LRBA: variants seen among roughly 807,000 people sequenced by gnomAD.
LRBA encodes the protein LPS responsive beige-like anchor protein, also known as lipopolysaccharide-responsive and beige-like anchor protein.
LRBA carries 176 observed loss-of-function variants against 330.0 expected under a neutral mutation model. That is an observed-to-expected ratio of 0.53 (90% CI 0.47 to 0.60). The LOEUF (loss-of-function observed/expected upper bound fraction) is 0.60. Among genes scored for constraint, LRBA ranks in the 20% least tolerant of loss-of-function variants. The probability of loss-of-function intolerance (pLI) is 0.00; values close to 1 mark genes in which losing one functional copy is unlikely to be tolerated. For synonymous variants in LRBA, 1,230 were observed against 1,193.0 expected, an observed-to-expected ratio of 1.03 and a Z score of -0.64; for missense variants, 3,259 against 3,444.8, an observed-to-expected ratio of 0.95 and a Z score of 1.35.
At chr4:150,924,550 G>T (rs934662228) in intron 4 of LRBA, among the ~76,000 whole-genome samples, 8 of 151,940 alleles carry the variant, frequency 5.3e-5, no homozygotes, top group Non-Finnish European at 1.2e-4. Flanking sequence ...AGATGTAGTA[G>T]TCATATTTCA....
chr4:150,725,430 A>G (rs992843238), intron 36 of LRBA, among the ~76,000 whole-genome samples: 3 of 152,228 alleles, frequency 2.0e-5, no homozygotes, highest in Admixed American at 2.0e-4. Flanking sequence ...GAGTGGCAAG[A>G]CATATTTAAA....
chr4:150,339,037 A>G (rs1735131578), intron 48 of LRBA, among the ~76,000 whole-genome samples: 1 of 152,070 alleles, frequency 6.6e-6, no homozygotes, highest in South Asian at 2.1e-4. Context: ...ATCTTAAGCC[A>G]AAAGCCTTCT....
chr4:150,774,071 G>A (rs768821182), intron 34 of LRBA, among the ~76,000 whole-genome samples: 2 of 152,136 alleles, frequency 1.3e-5, no homozygotes, highest in Non-Finnish European at 2.9e-5. Flanking sequence ...ACATAACATA[G>A]ACATCTTTCT....
intron 2 of LRBA, among the ~76,000 whole-genome samples, chr4:150,954,937 T>G (rs1737375349): frequency 6.9e-6 from 1 of 145,476 alleles, no homozygotes; most frequent in African/African-American, 2.7e-5. Flanking sequence ...TATATGGAAA[T>G]TAAACAACAC....
intron 44 of LRBA, among the ~76,000 whole-genome samples, chr4:150,441,716 C>G (rs1324324976): frequency 6.6e-6 from 1 of 151,934 alleles, no homozygotes; most frequent in Non-Finnish European, 1.5e-5. Context: ...TAACCTAGCT[C>G]GAAATCAACA....
rs1020996025 is a variant in LRBA, at chr4:150,677,804, T to TAA, written c.5921+5745_5921+5746dup. 5.7e-5 allele frequency among the ~76,000 whole-genome samples: 7 copies of TAA among 122,616 alleles called. No homozygotes were observed. The East Asian group carries it at 8.7e-4, about 15-fold the overall frequency. The allele number at this position is 122,616 out of a possible 152,430, so 80.4% of individuals were successfully genotyped here. ...GGTAACACGACAAGATCCCATGTCTTAAAAAAAAAAAGAAAAAGAAAAAGA... is the reference window on the plus strand; with the variant it reads ...GGTAACACGACAAGATCCCATGTCTTAAAAAAAAAAAAAGAAAAAGAAAAAGA... On this transcript the variant is annotated intron_variant, in intron 37 of 56. Transcript: ENST00000651943.
intron 37 of LRBA, among the ~76,000 whole-genome samples, chr4:150,604,903 C>T (rs1774476200): frequency 6.6e-6 from 1 of 152,136 alleles, no homozygotes; most frequent in Non-Finnish European, 1.5e-5. Flanking sequence ...GAACAAAGCC[C>T]TTCAGACACT....
At chr4:150,909,369 T>C (rs2127169220) in intron 9 of LRBA, among the ~76,000 whole-genome samples, 1 of 152,326 alleles carries the variant, frequency 6.6e-6, no homozygotes, top group South Asian at 2.1e-4. Context: ...AGTGGAATCA[T>C]ACAGTATTTG....
chr4:150,717,707 T>C (rs1274910502), intron 36 of LRBA, among the ~76,000 whole-genome samples: 1 of 33,476 alleles, frequency 3.0e-5, no homozygotes, highest in African/African-American at 7.0e-5. Context: ...TAATAATCAG[T>C]GCTTTCATGG....
intron 52 of LRBA, among the ~76,000 whole-genome samples, chr4:150,307,265 G>A (rs911879251): frequency 1.8e-4 from 28 of 152,060 alleles, no homozygotes; most frequent in African/African-American, 4.8e-4. Context: ...CCAGGAGGTT[G>A]AGGGTGGGGT....
At chr4:150,419,369 T>C (rs1748252163) in intron 46 of LRBA, among the ~76,000 whole-genome samples, 1 of 152,068 alleles carries the variant, frequency 6.6e-6, no homozygotes, top group Non-Finnish European at 1.5e-5. Flanking sequence ...ACAATAAAGA[T>C]ATGACTAATG....
intron 13 of LRBA, among the ~76,000 whole-genome samples, chr4:150,904,258 C>A (rs576064862): frequency 3.3e-5 from 5 of 152,156 alleles, no homozygotes; most frequent in African/African-American, 4.8e-5. Flanking sequence ...ATATTGTATT[C>A]TTCTTCTTAA....
At chr4:150,870,486 G>C in intron 20 of LRBA, 39 bp downstream of exon 20, 1 of 1,067,014 alleles carries the variant, frequency 9.4e-7, no homozygotes, top group Non-Finnish European at 1.5e-6. Flanking sequence ...TTTTTAAGTA[G>C]CAAAAGGTAG....
chr4:150,981,398 G>C (rs956058593), intron 2 of LRBA, among the ~76,000 whole-genome samples: 7 of 132,092 alleles, frequency 5.3e-5, no homozygotes, highest in African/African-American at 2.0e-4. Flanking sequence ...CGGCGACGGA[G>C]TGAGACTGTC....
chr4:150,888,431 T>C (rs1160924258), intron 17 of LRBA, among the ~76,000 whole-genome samples: 1 of 152,178 alleles, frequency 6.6e-6, no homozygotes, highest in Non-Finnish European at 1.5e-5. Flanking sequence ...CTTTAAGCTA[T>C]ATATAACTAG....
chr4:150,420,251 A>G (rs1214379636), intron 46 of LRBA, among the ~76,000 whole-genome samples: 1 of 147,942 alleles, frequency 6.8e-6, no homozygotes, highest in East Asian at 2.0e-4. Flanking sequence ...AAATACATAT[A>G]TATTATACAT....
At chr4:150,944,885 G>A (rs1736077263) in intron 2 of LRBA, among the ~76,000 whole-genome samples, 1 of 152,198 alleles carries the variant, frequency 6.6e-6, no homozygotes, top group South Asian at 2.1e-4. Context: ...TCATGATAGT[G>A]AATAAGTCTC....
At position 150,415,555 on chromosome 4, in the gene LRBA, C is replaced by T. The variant is rs146268782; in HGVS notation, c.7077G>A (p.Met2359Ile). The change falls in exon 47 of 57, where the codon ATG becomes ATA. Residue 2359 changes from methionine (M) to isoleucine (I), a missense_variant. By Grantham distance (10) the Met-to-Ile change is conservative (BLOSUM62 1). Coordinates refer to ENST00000651943, the MANE Select transcript of LRBA (RefSeq NM_001364905.1). ...LIPEFYYLPEMFVNFNNYNLG... is the reference protein window; with the variant it reads ...LIPEFYYLPEIFVNFNNYNLG... ...GATTATAATTATTGAAGTTGACAAACATCTCAGGGAGATAATAAAATTCAG... is the reference window on the plus strand; with the variant it reads ...GATTATAATTATTGAAGTTGACAAATATCTCAGGGAGATAATAAAATTCAG... 99 of 1,591,468 alleles carry T rather than the reference C, an allele frequency of 6.2e-5. No homozygotes were observed. In the African/African-American group the frequency reaches 1.3e-3, roughly 20 times the overall value.
At position 150,590,611 on chromosome 4, in the gene LRBA, G is replaced by A; in HGVS notation, c.6193+102C>T. 2.1e-6 allele frequency: 2 copies of A among 931,890 alleles called. 1 individual carries two copies. The highest frequency in any genetic ancestry group is 3.2e-5 in the South Asian group (2 of 61,670). The allele number at this position is 931,890 out of a possible 1,614,324, so 57.7% of individuals were successfully genotyped here. A position where few individuals can be genotyped will look rare whatever the true frequency, so the allele number is the denominator to read the frequency against. ...AAATAACCAATTAATGTAATTGTGG[G>A]TATAAACTTGGTAGTCCTAGTGGTC... On this transcript the variant is annotated intron_variant, in intron 39 of 56. Transcript: ENST00000651943.
Sources: allele counts gnomAD v4.1 joint callset (sites outside exome capture counted in the v4.1 genomes callset), GRCh38; gene constraint gnomAD v4.1.1; transcripts MANE v1.5; gene names NCBI Gene and HGNC (gene_info 2026-07-23, HGNC 2026-07-21).